The following HRH1 variants were observed in gnomAD, a reference collection of about 807,000 sequenced individuals.
HRH1 encodes the protein histamine H1 receptor.
HRH1 carries 6 observed loss-of-function variants against 10.3 expected under a neutral mutation model. The observed-to-expected ratio is 0.58, with a 90% CI of 0.32 to 1.15. The LOEUF (loss-of-function observed/expected upper bound fraction) is 1.15. HRH1 is among the 50% of genes most tolerant of loss of function. The probability of loss-of-function intolerance (pLI) is 0.05; values close to 1 mark genes in which losing one functional copy is unlikely to be tolerated. For synonymous variants in HRH1, 242 were observed against 236.7 expected (o/e 1.02, Z -0.21); for missense variants, 514 against 615.3 (o/e 0.84, Z 1.74).
At chr3:11,165,872 G>A (rs964009104) in intron 1 of HRH1, among the ~76,000 whole-genome samples, 3 of 152,148 alleles carry the variant, frequency 2.0e-5, no homozygotes, top group African/African-American at 4.8e-5. Context: ...TTGCCCTCCC[G>A]AGTTTTCTTG....
chr3:11,227,740 C>T (rs896050051), intron 1 of HRH1, among the ~76,000 whole-genome samples: 1 of 152,176 alleles, frequency 6.6e-6, no homozygotes, highest in Non-Finnish European at 1.5e-5. Context: ...CTTGCCCACA[C>T]CCCCTAGGAA....
At chr3:11,154,339 C>G (rs1343119975), upstream of HRH1, among the ~76,000 whole-genome samples, 13 of 151,666 alleles carry the variant, frequency 8.6e-5, no homozygotes, top group Admixed American at 8.5e-4. This position sits in a 1 kb window ranked among gnomAD's most constrained non-coding sequence, Gnocchi z 4.4. Flanking sequence ...GGGGGCGGCC[C>G]TGGGCGCGTG....
chr3:11,209,246 G>T (rs896938992), intron 1 of HRH1, among the ~76,000 whole-genome samples: 1 of 151,992 alleles, frequency 6.6e-6, no homozygotes, highest in Admixed American at 6.6e-5. Context: ...CTTATGCCAC[G>T]ATGCCTGACT....
chr3:11,179,163 C>T (rs988858334), intron 1 of HRH1, among the ~76,000 whole-genome samples: 5 of 152,112 alleles, frequency 3.3e-5, no homozygotes, highest in African/African-American at 1.2e-4. Flanking sequence ...TGGCGCACGC[C>T]TATAATCCCA....
chr3:11,171,897 A>G (rs771782277), intron 1 of HRH1, among the ~76,000 whole-genome samples: 5 of 152,228 alleles, frequency 3.3e-5, no homozygotes, highest in Non-Finnish European at 7.3e-5. Flanking sequence ...AGTAAGGGGA[A>G]AACTTCTTTC....
intron 1 of HRH1, among the ~76,000 whole-genome samples, chr3:11,231,907 G>C (rs1017970909): frequency 5.3e-5 from 8 of 151,832 alleles, no homozygotes; most frequent in Non-Finnish European, 1.0e-4. Context: ...CTTAGCTGTG[G>C]ATCCTGAAGA....
In HRH1 at chr3:11,202,595, C is replaced by A. The variant is rs545486034; in HGVS notation, c.-36+48041C>A. On this transcript the variant is annotated intron_variant, in intron 1 of 1. Transcript: ENST00000431010. ...GCCAAGATGTTTTGTTTTGTTTTAA[C>A]GAAGACTTTATTTTTCTTCAAGCAG... Among the ~76,000 whole-genome samples, 7 of 152,088 alleles carry A rather than the reference C, an allele frequency of 4.6e-5. No individual in the cohort carries two copies. In the South Asian group the frequency reaches 1.2e-3, roughly 27 times the overall value.
At chr3:11,238,632 A>G (rs1373535947) in intron 1 of HRH1, among the ~76,000 whole-genome samples, 1 of 152,260 alleles carries the variant, frequency 6.6e-6, no homozygotes, top group Non-Finnish European at 1.5e-5. Flanking sequence ...AGAGTTGTAT[A>G]AACATCATCA....
intron 1 of HRH1, among the ~76,000 whole-genome samples, chr3:11,228,961 G>A (rs1420456570): frequency 2.0e-5 from 3 of 151,388 alleles, no homozygotes; most frequent in Admixed American, 1.3e-4. Flanking sequence ...ATAGAGATAT[G>A]GAAACAATAC....
chr3:11,221,821 C>A (rs1175322654), intron 1 of HRH1, among the ~76,000 whole-genome samples: 1 of 152,130 alleles, frequency 6.6e-6, no homozygotes, highest in Non-Finnish European at 1.5e-5. Context: ...GCTCTAGGGA[C>A]TTTATATAAG....
intron 1 of HRH1, among the ~76,000 whole-genome samples, chr3:11,181,540 A>G (rs894274999): frequency 6.8e-6 from 1 of 147,724 alleles, no homozygotes; most frequent in African/African-American, 2.5e-5. Flanking sequence ...ATTTGCATTG[A>G]TGGCTAATGA....
intron 1 of HRH1, among the ~76,000 whole-genome samples, chr3:11,173,164 A>G (rs918625746): frequency 6.6e-6 from 1 of 152,202 alleles, no homozygotes; most frequent in African/African-American, 2.4e-5. Context: ...ACTTTGGGTC[A>G]GAGACTACCT....
intron 1 of HRH1, among the ~76,000 whole-genome samples, chr3:11,191,622 G>T (rs1937532553): frequency 6.6e-6 from 1 of 152,192 alleles, no homozygotes; most frequent in Admixed American, 6.5e-5. Context: ...GATAGTCAGT[G>T]CCAAAGTCCC....
At chr3:11,197,691 C>G (rs772966929) in intron 1 of HRH1, among the ~76,000 whole-genome samples, 1 of 152,088 alleles carries the variant, frequency 6.6e-6, no homozygotes, top group Non-Finnish European at 1.5e-5. Flanking sequence ...TGTAAACATG[C>G]CTTTTAAAGA....
At chr3:11,140,827 A>T (rs1936277793) in intron 1 of HRH1, among the ~76,000 whole-genome samples, 1 of 152,210 alleles carries the variant, frequency 6.6e-6, no homozygotes, top group Admixed American at 6.5e-5. Context: ...TTAGGGATGT[A>T]TAAGGCTTTG....
At chr3:11,252,425 T>C (rs1173793140) in intron 1 of HRH1, among the ~76,000 whole-genome samples, 1 of 152,216 alleles carries the variant, frequency 6.6e-6, no homozygotes, top group Non-Finnish European at 1.5e-5. Context: ...AGGGGACATA[T>C]GCACGAGGGC....
intron 1 of HRH1, among the ~76,000 whole-genome samples, chr3:11,257,289 C>T (rs920941054): frequency 1.3e-5 from 2 of 149,762 alleles, no homozygotes; most frequent in Non-Finnish European, 1.5e-5. Flanking sequence ...GGCGTGGTGC[C>T]TCATGCCTGT....
upstream of HRH1, among the ~76,000 whole-genome samples, chr3:11,152,486 A>C (rs969780800): frequency 9.2e-5 from 14 of 152,212 alleles, no homozygotes; most frequent in Admixed American, 9.2e-4. Context: ...TAGCAGGCCT[A>C]AAACTAGCCC....
intron 1 of HRH1, among the ~76,000 whole-genome samples, chr3:11,219,053 C>A (rs146551430): frequency 6.4e-4 from 97 of 152,102 alleles, no homozygotes; most frequent in African/African-American, 2.2e-3. Context: ...CCATGCCCAG[C>A]TAATTTTTTG....
Sources: allele counts gnomAD v4.1 joint callset (sites outside exome capture counted in the v4.1 genomes callset), GRCh38; gene constraint gnomAD v4.1.1; non-coding constraint Gnocchi (gnomAD v3.1); transcripts MANE v1.5; gene names NCBI Gene and HGNC (gene_info 2026-07-23, HGNC 2026-07-21).